RPS24: variants seen among roughly 807,000 people sequenced by gnomAD.
The protein encoded by RPS24 is ribosomal protein S24, also known as small ribosomal subunit protein eS24.
For synonymous variants in RPS24, 72 were observed against 55.6 expected, an observed-to-expected ratio of 1.30 and a Z score of -1.31; for missense variants, 100 against 162.5, an observed-to-expected ratio of 0.62 and a Z score of 2.09.
intron 4 of RPS24, among the ~76,000 whole-genome samples, chr10:78,052,526 A>G (rs993188250): frequency 1.3e-5 from 2 of 152,206 alleles, no homozygotes; most frequent in African/African-American, 2.4e-5. Flanking sequence ...GATGCTAAAA[A>G]AAAGCAAATG....
rs147296007 is a variant in RPS24, at chr10:78,040,170, C to G, written c.391-34C>G. On this transcript the variant is annotated intron_variant, in intron 4 of 5. Transcript: ENST00000372360. ...ATTAATGAAATCTTTCTTTTCCCTCCTTTCTCTTTTTCCCTTCCCCGCCAC... is the reference window on the plus strand; with the variant it reads ...ATTAATGAAATCTTTCTTTTCCCTCGTTTCTCTTTTTCCCTTCCCCGCCAC... The G allele has an allele frequency of 3.7e-6, 6 of 1,608,346 alleles. No individual in the cohort carries two copies. In the East Asian group the frequency reaches 6.7e-5, roughly 18 times the overall value.
chr10:78,035,030 C>T (rs1479982430), intron 1 of RPS24, among the ~76,000 whole-genome samples: 1 of 152,120 alleles, frequency 6.6e-6, no homozygotes, highest in African/African-American at 2.4e-5. Context: ...AACATACAGT[C>T]CCCACAACAT....
chr10:78,043,621 G>T (rs1400231216), downstream of RPS24, among the ~76,000 whole-genome samples: 2 of 152,218 alleles, frequency 1.3e-5, no homozygotes, highest in Non-Finnish European at 2.9e-5. Flanking sequence ...GCAAGTTGGG[G>T]ATAAAGAAGC....
chr10:78,035,774 CGTT>C, intron 3 of RPS24, 54 bp downstream of exon 3: 1 of 1,433,696 alleles, frequency 7.0e-7, no homozygotes, highest in Non-Finnish European at 9.7e-7. Context: ...TTTTCAATAG[CGTT>C]GTGTTGTGAG....
intron 4 of RPS24, among the ~76,000 whole-genome samples, chr10:78,046,430 C>G (rs553487546): frequency 3.8e-4 from 56 of 147,362 alleles, no homozygotes; most frequent in African/African-American, 1.3e-3. Flanking sequence ...GCAATCTCAG[C>G]TCACTGCAAC....
intron 4 of RPS24, 112 bp downstream of exon 4, chr10:78,037,416 T>C (rs911208695): frequency 6.2e-6 from 9 of 1,452,054 alleles, no homozygotes; most frequent in South Asian, 1.4e-5. Context: ...GTTTCTTCTT[T>C]TCCCTCTTCT....
chr10:78,037,570 C>G, intron 4 of RPS24: 3 of 452,094 alleles, frequency 6.6e-6, no homozygotes, highest in Non-Finnish European at 1.2e-5. Flanking sequence ...CTGGTGGGCA[C>G]CTTTCAAGCC....
chr10:78,048,576 G>A (rs1848067909), intron 4 of RPS24, among the ~76,000 whole-genome samples: 1 of 152,162 alleles, frequency 6.6e-6, no homozygotes, highest in African/African-American at 2.4e-5. Context: ...TATTCAGAGA[G>A]TCTGGTTAGA....
chr10:78,043,186 G>A (rs947341744), downstream of RPS24, among the ~76,000 whole-genome samples: 4 of 152,206 alleles, frequency 2.6e-5, no homozygotes, highest in East Asian at 1.9e-4. Flanking sequence ...TGTATTTTTA[G>A]TAGAGATGGG....
rs1200886677 is a variant in RPS24 at position 78,035,813 on chromosome 10, A to T, written c.279+93A>T. The T allele has an allele frequency of 1.1e-5, 11 of 969,988 alleles. No homozygotes were observed. The Admixed American group carries it at 1.9e-4, about 16-fold the overall frequency. 60.1% of individuals were successfully genotyped at this position (969,988 alleles called of 1,614,324 possible). A position where few individuals can be genotyped will look rare whatever the true frequency, so the allele number is the denominator to read the frequency against. On this transcript the variant is annotated intron_variant, in intron 3 of 5. Transcript: ENST00000372360. ...TGTGGTAAAAAGGGCAAGACCAAGC[A>T]ATCTGGGATACAACTCTGAAAGGAT... is the stretch of plus-strand genomic sequence containing the variant.
chr10:78,047,781 G>A lies in RPS24; in HGVS notation c.391-6750G>A, dbSNP rs1848060687. 2.6e-5 allele frequency among the ~76,000 whole-genome samples: 4 copies of A among 152,314 alleles called. 1 individual carries two copies. The South Asian group carries it at 8.3e-4, about 32-fold the overall frequency. On this transcript the variant is annotated intron_variant, in intron 4 of 4. Transcript: ENST00000440692. ...CCAGGCAGCTTGCGGTTTCTATTGG[G>A]GGAGGTGGGGGCCGAAGGCTGGGAA...
intron 4 of RPS24, among the ~76,000 whole-genome samples, chr10:78,049,808 C>T (rs1245044897): frequency 1.3e-5 from 2 of 152,204 alleles, no homozygotes; most frequent in African/African-American, 4.8e-5. Flanking sequence ...TGTGTTTTTT[C>T]TGCTCCTCTT....
intron 4 of RPS24, among the ~76,000 whole-genome samples, chr10:78,047,101 G>A (rs1440190282): frequency 2.0e-5 from 3 of 151,358 alleles, no homozygotes; most frequent in Non-Finnish European, 4.4e-5. Context: ...GACTACTGGT[G>A]CCTGCCACCA....
chr10:78,046,625 G>T (rs1848046656), intron 4 of RPS24, among the ~76,000 whole-genome samples: 1 of 152,118 alleles, frequency 6.6e-6, no homozygotes, highest in Non-Finnish European at 1.5e-5. Context: ...AAAGTGCTGG[G>T]ATTACAGGCA....
intron 4 of RPS24, among the ~76,000 whole-genome samples, chr10:78,048,749 C>T (rs1420858862): frequency 6.6e-6 from 1 of 151,926 alleles, no homozygotes; most frequent in African/African-American, 2.4e-5. Context: ...GGGGCATGCA[C>T]CTGTGGTCCC....
At chr10:78,037,362 G>A in intron 4 of RPS24, 58 bp downstream of exon 4, 1 of 1,533,720 alleles carries the variant, frequency 6.5e-7, no homozygotes, top group Non-Finnish European at 8.8e-7. Context: ...TTAGTTTCTA[G>A]GAAAGAAGGG....
chr10:78,045,101 C>T (rs1337705551), downstream of RPS24, among the ~76,000 whole-genome samples: 2 of 152,096 alleles, frequency 1.3e-5, no homozygotes, highest in Non-Finnish European at 2.9e-5. Flanking sequence ...CAATTCTCTG[C>T]CTCAGCTTCC....
At chr10:78,055,027 G>A (rs765237160) in exon 5 of RPS24, 69 of 1,456,328 alleles carry the variant, frequency 4.7e-5, no homozygotes, top group Non-Finnish European at 5.7e-5. Flanking sequence ...TGCCATGGCC[G>A]CCTTGCTGCA....
At chr10:78,054,471 G>T in intron 4 of RPS24, 1 of 1,434,288 alleles carries the variant, frequency 7.0e-7, no homozygotes, top group Non-Finnish European at 9.4e-7. Flanking sequence ...CGCAGAACAG[G>T]GCGGCTGGAA....
Sources: allele counts gnomAD v4.1 joint callset (sites outside exome capture counted in the v4.1 genomes callset), GRCh38; gene constraint gnomAD v4.1.1; transcripts MANE v1.5; gene names NCBI Gene and HGNC (gene_info 2026-07-23, HGNC 2026-07-21).